Variants in ANAPC5 observed in about 807,000 individuals in gnomAD.
ANAPC5 encodes the protein anaphase promoting complex subunit 5.
Under a neutral mutation model 91.3 loss-of-function variants are expected in ANAPC5, and 60 were observed. The observed-to-expected ratio is 0.66, with a 90% CI of 0.53 to 0.81. The LOEUF is 0.81. ANAPC5 is among the 40% of genes least tolerant of loss of function. The pLI is 0.00. For missense variants in ANAPC5, 690 were observed against 931.5 expected (o/e 0.74, Z 3.37); for synonymous variants, 340 against 364.1 (o/e 0.93, Z 0.75).
At chr12:121,351,431 T>C (rs538895362) in intron 1 of ANAPC5, among the ~76,000 whole-genome samples, 3 of 151,840 alleles carry the variant, frequency 2.0e-5, no homozygotes, top group East Asian at 1.9e-4. Flanking sequence ...CACAGTTAAG[T>C]ATTCAATCAG....
chr12:121,326,048 G>C (rs550336853), intron 11 of ANAPC5, among the ~76,000 whole-genome samples: 2 of 152,132 alleles, frequency 1.3e-5, no homozygotes, highest in South Asian at 2.1e-4. Context: ...TAGCCCTTTC[G>C]ACCTCAGAAA....
At position 121,311,268 on chromosome 12, in the gene ANAPC5, T is replaced by A. The variant is rs574877806; in HGVS notation, c.1894-1405A>T. Reference sequence around the variant, plus strand: ...GAGTGAGACCCTGTCTCTAAAAAAATAAAATAAAGACACAAATCAGCTGAA... The same window carrying A: ...GAGTGAGACCCTGTCTCTAAAAAAAAAAAATAAAGACACAAATCAGCTGAA... On this transcript the variant is annotated intron_variant, in intron 15 of 16. Transcript: ENST00000261819. Among the ~76,000 whole-genome samples the A allele has an allele frequency of 6.8e-3, 1,028 of 151,942 alleles. 13 individuals carry two copies. The highest frequency in any genetic ancestry group is 0.036 in the South Asian group (174 of 4,820).
chr12:121,330,977 T>C (rs1347955649), intron 8 of ANAPC5: 13 of 402,970 alleles, frequency 3.2e-5, no homozygotes, highest in Non-Finnish European at 5.0e-5. Flanking sequence ...CAGGTGCTTG[T>C]CAAGTAGCTT....
intron 11 of ANAPC5, among the ~76,000 whole-genome samples, chr12:121,323,780 T>G (rs997419712): frequency 6.6e-6 from 1 of 152,176 alleles, no homozygotes; most frequent in South Asian, 2.1e-4. Context: ...AGAATTACAA[T>G]AAAAGATCAT....
In ANAPC5 at chr12:121,330,580, T is replaced by C. The variant is rs1903006672; in HGVS notation, c.1122+3A>G. The C allele has an allele frequency of 1.9e-6, 3 of 1,613,182 alleles. No homozygotes were observed. The highest frequency in any genetic ancestry group is 4.5e-5 in the East Asian group (2 of 44,818). ...AACAATCTCACAGAAAGATGAGCCT[T>C]ACCGGTAACCCAAAATGTACTGCCT... On this transcript the variant is annotated splice_donor_region_variant and intron_variant, in intron 9 of 16. Transcript: ENST00000261819.
At chr12:121,322,483 A>G in intron 11 of ANAPC5, among the ~76,000 whole-genome samples, 1 of 152,226 alleles carries the variant, frequency 6.6e-6, no homozygotes, top group East Asian at 1.9e-4. Flanking sequence ...TAAATTACTT[A>G]TAACACTGTT....
At chr12:121,313,847 T>A (rs1281790088) in intron 15 of ANAPC5, among the ~76,000 whole-genome samples, 1 of 152,204 alleles carries the variant, frequency 6.6e-6, no homozygotes, top group Non-Finnish European at 1.5e-5. Flanking sequence ...CCTTCTCAAA[T>A]TCTTCCCAGA....
At chr12:121,318,475 C>G (rs777736756) in intron 14 of ANAPC5, 26 bp downstream of exon 14, 15 of 1,611,980 alleles carry the variant, frequency 9.3e-6, no homozygotes, top group Non-Finnish European at 1.3e-5. Context: ...ACCACATCTC[C>G]GTGAGATGTA....
At position 121,318,293 on chromosome 12, in the gene ANAPC5, T is replaced by C. The variant is rs1362940056; in HGVS notation, c.1877A>G (p.Asn626Ser). The C allele has an allele frequency of 3.2e-6, 5 of 1,554,976 alleles. No homozygotes were observed. Among genetic ancestry groups the C allele is most frequent in the Non-Finnish European group, 4.3e-6 (5 of 1,153,702 alleles). Residue 626 changes from asparagine to serine, a missense_variant, in exon 15 of 17, where the codon AAC becomes AGC. By Grantham distance (46) the Asn-to-Ser change is conservative. Coordinates refer to ENST00000261819, the MANE Select transcript of ANAPC5 (RefSeq NM_016237.5). ...LQYLASETVL[N>S]LAFAQLILGI... ...TCGGCTTACCTGCGCAAAAGCCAAG[T>C]TCAGCACTGTTTCAGAGGCCAAGTA...
At chr12:121,323,921 T>TGA (rs1902714750) in intron 11 of ANAPC5, among the ~76,000 whole-genome samples, 1 of 152,086 alleles carries the variant, frequency 6.6e-6, no homozygotes, top group Admixed American at 6.6e-5. Flanking sequence ...TTCCTGAGAC[T>TGA]GAGAGAGGAG....
intron 16 of ANAPC5, 105 bp from the exon 17 acceptor site, chr12:121,308,796 CT>C: frequency 1.1e-6 from 1 of 923,768 alleles, no homozygotes; most frequent in Non-Finnish European, 1.7e-6. Flanking sequence ...CCAGAAGATT[CT>C]TTTATATTCT....
intron 15 of ANAPC5, chr12:121,317,752 C>T (rs1289421775): frequency 6.6e-6 from 1 of 152,228 alleles, no homozygotes; most frequent in Admixed American, 6.5e-5. Flanking sequence ...TAAATTCTTC[C>T]AGTGCATTTG....
intron 13 of ANAPC5, 37 bp from the exon 14 acceptor site, chr12:121,318,645 T>C (rs1902466689): frequency 1.3e-6 from 2 of 1,525,730 alleles, no homozygotes; most frequent in African/African-American, 1.4e-5. Context: ...GTGTTTTAAC[T>C]AGTCACTTTG....
chr12:121,338,186 C>T (rs1555273723), intron 5 of ANAPC5, among the ~76,000 whole-genome samples: 1 of 151,002 alleles, frequency 6.6e-6, no homozygotes, highest in Non-Finnish European at 1.5e-5. Flanking sequence ...TCAAGAACAA[C>T]CTGGGCAATA....
chr12:121,337,883 G>T (rs1438142619), intron 5 of ANAPC5, among the ~76,000 whole-genome samples: 4 of 152,130 alleles, frequency 2.6e-5, no homozygotes, highest in African/African-American at 9.7e-5. Flanking sequence ...TTTGCTTCTT[G>T]TATTTCCAGT....
chr12:121,318,749 G>T, intron 13 of ANAPC5, 141 bp from the exon 14 acceptor site: 1 of 725,786 alleles, frequency 1.4e-6, no homozygotes, highest in Non-Finnish European at 2.2e-6. Context: ...GGCTGAGCGC[G>T]GTGGCTCACA....
At chr12:121,335,948 T>C (rs1444158163) in intron 6 of ANAPC5, among the ~76,000 whole-genome samples, 1 of 152,172 alleles carries the variant, frequency 6.6e-6, no homozygotes, top group Non-Finnish European at 1.5e-5. Flanking sequence ...CCATTAGTAT[T>C]TGTGTCAGTT....
intron 1 of ANAPC5, among the ~76,000 whole-genome samples, chr12:121,351,462 C>G (rs77267993): frequency 2.1e-3 from 314 of 151,040 alleles, no homozygotes; most frequent in African/African-American, 7.3e-3. Flanking sequence ...TGGCTTTATG[C>G]CTTTTTTTTT....
chr12:121,340,082 C>G (rs982904534), intron 5 of ANAPC5, among the ~76,000 whole-genome samples: 2 of 151,462 alleles, frequency 1.3e-5, no homozygotes, highest in African/African-American at 4.8e-5. Flanking sequence ...TTTGGGACGC[C>G]GAGGTGGGCA....
Sources: allele counts gnomAD v4.1 joint callset (sites outside exome capture counted in the v4.1 genomes callset), GRCh38; gene constraint gnomAD v4.1.1; transcripts MANE v1.5; gene names NCBI Gene and HGNC (gene_info 2026-07-23, HGNC 2026-07-21).